HSPG2: variants seen among roughly 807,000 people sequenced by gnomAD.
HSPG2 encodes the protein basement membrane-specific heparan sulfate proteoglycan core protein.
A neutral mutation model predicts 526.6 loss-of-function variants in HSPG2; 278 were observed. That is an observed-to-expected ratio of 0.53 (90% CI 0.48 to 0.58). HSPG2 has a LOEUF of 0.58. Among genes scored for constraint, HSPG2 ranks in the 20% least tolerant of loss-of-function variants. HSPG2 has a pLI of 0.00. For missense variants in HSPG2, 5,354 were observed against 6,099.5 expected, an observed-to-expected ratio of 0.88 and a Z score of 4.07; for synonymous variants, 2,465 against 2,555.4, an observed-to-expected ratio of 0.96 and a Z score of 1.07.
rs1387937134 is a variant in HSPG2 at position 21,857,181 on chromosome 1, G to C, written c.5409C>G (p.Thr1803=). The C allele has an allele frequency of 6.2e-7, 1 of 1,614,150 alleles. No homozygotes were observed. The highest frequency in any genetic ancestry group is 1.7e-5 in the Admixed American group (1 of 60,014). The change falls in exon 44 of 97, where the codon ACC becomes ACG. Residue 1803 remains threonine, a synonymous_variant. Transcript: ENST00000374695. ...CGTTGTGCAGGCGGGTCCACACCAGGGTATAGGCTGGGGACTGCAGGGCAA... is the reference window on the plus strand; with the variant it reads ...CGTTGTGCAGGCGGGTCCACACCAGCGTATAGGCTGGGGACTGCAGGGCAA... ...CTAKSKSPAY[T]LVWTRLHNGK...
Position 21,839,892 on chromosome 1 carries a change from C to G in HSPG2, c.9639G>C (p.Gln3213His). The G allele has an allele frequency of 1.2e-6, 2 of 1,614,168 alleles. No individual in the cohort carries two copies. Among genetic ancestry groups the G allele is most frequent in the Non-Finnish European group, 8.5e-7 (1 of 1,180,034 alleles). Residue 3213 changes from glutamine (Q) to histidine (H), a missense_variant, in exon 72 of 97, where the codon CAG becomes CAC. By Grantham distance (24) the Gln-to-His change is conservative. Coordinates refer to ENST00000374695, the MANE Select transcript of HSPG2 (RefSeq NM_005529.7). This position sits in a 1 kb window ranked among gnomAD's most constrained non-coding sequence, Gnocchi z 4.5. The part of the protein sequence containing the change: ...DTGAMAPGAP[Q>H]VQAEEAELTV... ...TCAGCTCAGCTTCTTCAGCTTGGAC[C>G]TGAGGGGCCCCTGGGGCCATGGCGC...
At chr1:21,823,872 G>C in intron 95 of HSPG2, 153 bp from the exon 96 acceptor site, 1 of 754,704 alleles carries the variant, frequency 1.3e-6, no homozygotes, top group Non-Finnish European at 2.3e-6. Flanking sequence ...ACGAGAGATC[G>C]GGCCCCACAA....
chr1:21,828,868 G>T lies in HSPG2; in HGVS notation c.12204C>A (p.Asn4068Lys). 6.4e-7 allele frequency: 1 copy of T among 1,552,068 alleles called. No individual in the cohort carries two copies. Among genetic ancestry groups the T allele is most frequent in the Non-Finnish European group, 8.7e-7 (1 of 1,147,548 alleles). The change falls in exon 88 of 97, where the codon AAC becomes AAA. Residue 4068 changes from asparagine to lysine, a missense_variant. By Grantham distance (94) the Asn-to-Lys change is moderately conservative. Transcript: ENST00000374695. The surrounding 1 kb of genome is among the most constrained non-coding windows in gnomAD (Gnocchi z 6.0). ...EPSVPLSPAT[N>K]MSAHFRGCVG... ...CACAGCCGCGGAAGTGAGCGCTCAT[G>T]TTGGTGGCCGGGGACAGTGGCACGG...
At position 21,831,649 on chromosome 1, in the gene HSPG2, C is replaced by T; in HGVS notation, c.11352+3G>A. The T allele has an allele frequency of 6.2e-7, 1 of 1,608,672 alleles. No individual in the cohort carries two copies. The highest frequency in any genetic ancestry group is 8.5e-7 in the Non-Finnish European group (1 of 1,177,388). ...GAAGTAGCAGTATGGGGTTGGGTCT[C>T]ACCTGGGAGGTCCCATTGACCGGGG... On this transcript the variant is annotated splice_donor_region_variant and intron_variant, in intron 82 of 96. Transcript: ENST00000374695.
intron 71 of HSPG2, 74 bp from the exon 72 acceptor site, chr1:21,840,091 G>A: frequency 1.6e-6 from 2 of 1,260,554 alleles, no homozygotes. Context: ...CTCTGGCTTG[G>A]TCTTCCCTAT....
At chr1:21,918,952 C>T (rs1235901759) in intron 1 of HSPG2, among the ~76,000 whole-genome samples, 1 of 152,228 alleles carries the variant, frequency 6.6e-6, no homozygotes, top group South Asian at 2.1e-4. Context: ...GCTCCTCCCC[C>T]TCTCCTCTGA....
At chr1:21,920,453 G>C (rs969731175) in intron 1 of HSPG2, among the ~76,000 whole-genome samples, 3 of 152,146 alleles carry the variant, frequency 2.0e-5, no homozygotes, top group Non-Finnish European at 4.4e-5. Context: ...CCAGGCCTCC[G>C]GGCAGAGGCC....
chr1:21,872,094 TGCAGGTG>T lies in HSPG2; in HGVS notation c.4221+85_4221+91del. ...CACGTGCCTAACCACGATATGGCCA[TGCAGGTG>T]GCAGGTGCCTGCCTGCTGAGAGACG... On this transcript the variant is annotated intron_variant, in intron 33 of 96. Transcript: ENST00000374695. The surrounding 1 kb of genome is among the most constrained non-coding windows in gnomAD (Gnocchi z 5.5). The T allele has an allele frequency of 1.5e-6, 2 of 1,369,742 alleles. No individual in the cohort carries two copies. The highest frequency in any genetic ancestry group is 2.0e-6 in the Non-Finnish European group (2 of 983,258). The allele number at this position is 1,369,742 out of a possible 1,614,324, so 84.8% of individuals were successfully genotyped here. A position where few individuals can be genotyped will look rare whatever the true frequency, so the allele number is the denominator to read the frequency against.
chr1:21,878,792 C>T, intron 18 of HSPG2, 129 bp from the exon 19 acceptor site: 1 of 1,168,338 alleles, frequency 8.6e-7, no homozygotes, highest in Non-Finnish European at 1.3e-6. Flanking sequence ...CCCTGCCCGG[C>T]AGCCTCACAG....
intron 85 of HSPG2, 55 bp from the exon 86 acceptor site, chr1:21,830,146 G>A: frequency 7.2e-7 from 1 of 1,397,552 alleles, no homozygotes; most frequent in South Asian, 1.2e-5. Flanking sequence ...GAGGGAGGGG[G>A]GTCCTGATGC....
rs374656693 is a variant in HSPG2 at position 21,887,327 on chromosome 1, C to T, written c.966G>A (p.Pro322=). 24 of 1,613,834 alleles carry T rather than the reference C, an allele frequency of 1.5e-5. No individual in the cohort carries two copies. Among genetic ancestry groups the T allele is most frequent in the Admixed American group, 3.3e-5 (2 of 59,994 alleles). The stretch of plus-strand genomic sequence containing the variant: ...GGAACTCGTTGGGCTCACAGGGTGG[C>T]GGGGGGCCTAGGAGACCGGGCAGGG... The part of the protein sequence containing the change: ...DGSDELDCGP[P]PPCEPNEFPC... Residue 322 remains proline, a synonymous_variant, in exon 9 of 97, where the codon CCG becomes CCA. Coordinates refer to ENST00000374695, the MANE Select transcript of HSPG2 (RefSeq NM_005529.7). The surrounding 1 kb of genome is among the most constrained non-coding windows in gnomAD (Gnocchi z 5.0).
intron 57 of HSPG2, 31 bp from the exon 58 acceptor site, chr1:21,849,062 CAG>C (rs775173604): frequency 7.5e-6 from 12 of 1,609,202 alleles, no homozygotes; most frequent in Non-Finnish European, 1.7e-6. Flanking sequence ...GAGGCAGGCT[CAG>C]AGCTGGGCAC....
chr1:21,849,054 G>A lies in HSPG2; in HGVS notation c.7447-23C>T, dbSNP rs182690488. ...CACCTGGGAGGGTCAGGAGGGAGGAGGCAGGCTCAGAGCTGGGCACTGCGG... is the reference window on the plus strand; with the variant it reads ...CACCTGGGAGGGTCAGGAGGGAGGAAGCAGGCTCAGAGCTGGGCACTGCGG... On this transcript the variant is annotated intron_variant, in intron 57 of 96. Transcript: ENST00000374695. 2.5e-4 allele frequency: 409 copies of A among 1,612,378 alleles called. 1 individual carries two copies. The African/African-American group carries it at 3.8e-3, about 15-fold the overall frequency.
intron 1 of HSPG2, among the ~76,000 whole-genome samples, chr1:21,929,615 G>A (rs1190451973): frequency 2.7e-5 from 3 of 113,110 alleles, no homozygotes; most frequent in African/African-American, 1.0e-4. Flanking sequence ...AATTTTTATT[G>A]TCCAAACAAG....
In HSPG2 at chr1:21,899,827, C is replaced by T. The variant is rs534469463; in HGVS notation, c.64-3517G>A. ...CACAGGTGAGGAGCTGGCATCCCAC[C>T]CCAAGCCTTCTGCTCACCAGGAAAT... On this transcript the variant is annotated intron_variant, in intron 1 of 96. Transcript: ENST00000374695. Among the ~76,000 whole-genome samples, 6 of 152,322 alleles carry T rather than the reference C, an allele frequency of 3.9e-5. No individual in the cohort carries two copies. The East Asian group carries it at 1.2e-3, about 29-fold the overall frequency.
At chr1:21,837,865 G>A (rs1320138505) in intron 74 of HSPG2, among the ~76,000 whole-genome samples, 2 of 152,096 alleles carry the variant, frequency 1.3e-5, no homozygotes, top group Non-Finnish European at 2.9e-5. Flanking sequence ...GACGAGTGCA[G>A]TGGCTCACGC....
Position 21,824,285 on chromosome 1 carries a change from G to C in HSPG2, c.12815+21C>G, listed in dbSNP as rs78845480. ...GCTGGGACCAGGGAAGGGAGAGGAA[G>C]GGCCAGGTGCCAGGACCTACCTGAA... On this transcript the variant is annotated intron_variant, in intron 94 of 96. Transcript: ENST00000374695. This position sits in a 1 kb window ranked among gnomAD's most constrained non-coding sequence, Gnocchi z 5.9. 79,046 of 1,613,640 alleles carry C rather than the reference G, an allele frequency of 0.049. 2,343 individuals carry two copies. Among genetic ancestry groups the C allele is most frequent in the South Asian group, 0.089 (8,080 of 91,078 alleles).
chr1:21,874,920 G>C lies in HSPG2; in HGVS notation c.3385C>G (p.Pro1129Ala). ...PALEVEQCSC[P>A]PGYRGPSCQD... ...CAGGACGGCCCACGGTACCCGGGTG[G>C]GCAGGAGCACTGTTCCACTTCCAGC... The change falls in exon 26 of 97, where the codon CCA becomes GCA. Residue 1129 changes from proline to alanine, a missense_variant. Pro to Ala is a conservative substitution (Grantham distance 27, BLOSUM62 -1). Coordinates refer to ENST00000374695, the MANE Select transcript of HSPG2 (RefSeq NM_005529.7). 1 of 1,612,958 alleles carries C rather than the reference G, an allele frequency of 6.2e-7. No individual in the cohort carries two copies. Among genetic ancestry groups the C allele is most frequent in the Non-Finnish European group, 8.5e-7 (1 of 1,179,676 alleles).
At chr1:21,878,109 C>T (rs868510449) in intron 21 of HSPG2, 77 bp downstream of exon 21, 18 of 1,344,362 alleles carry the variant, frequency 1.3e-5, no homozygotes, top group Middle Eastern at 2.4e-4. Context: ...ATGGAGAGGA[C>T]GGAGCTTCCT....
Sources: allele counts gnomAD v4.1 joint callset (sites outside exome capture counted in the v4.1 genomes callset), GRCh38; gene constraint gnomAD v4.1.1; non-coding constraint Gnocchi (gnomAD v3.1); transcripts MANE v1.5; gene names NCBI Gene and HGNC (gene_info 2026-07-23, HGNC 2026-07-21).